Variants in MBNL2 observed in about 807,000 individuals in gnomAD.
MBNL2 encodes the protein muscleblind like splicing regulator 2.
Under a neutral mutation model 41.9 loss-of-function variants are expected in MBNL2, and 17 were observed. That is an observed-to-expected ratio of 0.41 (90% CI 0.28 to 0.61). MBNL2 has a LOEUF of 0.61. Among genes scored for constraint, MBNL2 ranks in the 20% least tolerant of loss-of-function variants. The pLI is 0.35. For missense variants in MBNL2, 336 were observed against 505.6 expected, an observed-to-expected ratio of 0.66 and a Z score of 3.22; for synonymous variants, 195 against 182.9, an observed-to-expected ratio of 1.07 and a Z score of -0.53.
chr13:97,347,091 C>T, intron 5 of MBNL2, 24 bp downstream of exon 5: 1 of 1,506,574 alleles, frequency 6.6e-7, no homozygotes, highest in Non-Finnish European at 8.9e-7. Context: ...CCCGCCGCCC[C>T]TGCACCCCGG....
At position 97,247,994 on chromosome 13, in the gene MBNL2, C is replaced by T. The variant is rs528399571; in HGVS notation, c.-605+25463C>T. Among the ~76,000 whole-genome samples the T allele has an allele frequency of 3.3e-5, 5 of 152,312 alleles. No homozygotes were observed. In the East Asian group the frequency reaches 9.6e-4, roughly 29 times the overall value. On this transcript the variant is annotated intron_variant, in intron 1 of 8. Coordinates refer to ENST00000679496, the MANE Select transcript of MBNL2 (RefSeq NM_001382683.1). ...GTTCTGGTTTAGTGTTTTAATGCTA[C>T]ATTAGAAATGATATTTCTTGGCAAA...
intron 2 of MBNL2, among the ~76,000 whole-genome samples, chr13:97,326,268 T>G (rs534818472): frequency 2.6e-5 from 4 of 152,216 alleles, no homozygotes; most frequent in Non-Finnish European, 4.4e-5. Flanking sequence ...GAGGTAGTAG[T>G]GACTGTCTAC....
the MBNL2 span, among the ~76,000 whole-genome samples, chr13:97,204,893 G>A: frequency 6.6e-6 from 1 of 152,116 alleles, no homozygotes; most frequent in Non-Finnish European, 1.5e-5. Context: ...GGCCGACATG[G>A]TGAAACCCCA....
chr13:97,321,284 A>G (rs1566415279), intron 2 of MBNL2, among the ~76,000 whole-genome samples: 1 of 152,036 alleles, frequency 6.6e-6, no homozygotes, highest in Non-Finnish European at 1.5e-5. Flanking sequence ...AGTCCCGGAA[A>G]CCCCCTGCTG....
chr13:97,160,304 C>T, the MBNL2 span, among the ~76,000 whole-genome samples: 2 of 152,146 alleles, frequency 1.3e-5, no homozygotes, highest in African/African-American at 4.8e-5. Context: ...CTGCTCTGTG[C>T]TTTCTGCAAA....
At chr13:97,214,818 C>A in the MBNL2 span, among the ~76,000 whole-genome samples, 1 of 152,162 alleles carries the variant, frequency 6.6e-6, no homozygotes, top group Non-Finnish European at 1.5e-5. Flanking sequence ...GCACAGTGAT[C>A]CCTCAGCCAG....
At chr13:97,376,959 ATAT>A (rs1221163921) in intron 8 of MBNL2, among the ~76,000 whole-genome samples, 1 of 152,160 alleles carries the variant, frequency 6.6e-6, no homozygotes, top group African/African-American at 2.4e-5. Flanking sequence ...GCCTAGAACA[ATAT>A]TATTTCCCTT....
At chr13:97,144,309 C>T in the MBNL2 span, among the ~76,000 whole-genome samples, 4 of 151,982 alleles carry the variant, frequency 2.6e-5, no homozygotes, top group African/African-American at 9.7e-5. Context: ...GCCAGATACC[C>T]GTAGGATCCT....
At chr13:97,217,858 T>C (rs1377786454), upstream of MBNL2, among the ~76,000 whole-genome samples, 1 of 151,458 alleles carries the variant, frequency 6.6e-6, no homozygotes, top group Non-Finnish European at 1.5e-5. Flanking sequence ...TAAAAGGTGG[T>C]GGGGGGTTTA....
the MBNL2 span, among the ~76,000 whole-genome samples, chr13:97,154,917 T>G: frequency 6.6e-6 from 1 of 152,056 alleles, no homozygotes; most frequent in African/African-American, 2.4e-5. Flanking sequence ...TATTGAGTAC[T>G]GCACAAATAG....
At chr13:97,208,274 G>A in the MBNL2 span, among the ~76,000 whole-genome samples, 3 of 152,180 alleles carry the variant, frequency 2.0e-5, no homozygotes, top group East Asian at 1.9e-4. Flanking sequence ...CCGAGATCAT[G>A]TTGTGGGACC....
chr13:97,318,519 A>T (rs1307332649), intron 2 of MBNL2, among the ~76,000 whole-genome samples: 1 of 152,246 alleles, frequency 6.6e-6, no homozygotes, highest in Non-Finnish European at 1.5e-5. Flanking sequence ...GAGTAAAAAT[A>T]ATAACAATGG....
At chr13:97,223,013 C>T (rs1211643570) in intron 1 of MBNL2, among the ~76,000 whole-genome samples, 1 of 152,118 alleles carries the variant, frequency 6.6e-6, no homozygotes, top group East Asian at 1.9e-4. Flanking sequence ...ACCTACCTAG[C>T]TCTACAATGC....
chr13:97,370,755 A>G (rs992131779), intron 8 of MBNL2, among the ~76,000 whole-genome samples: 13 of 152,204 alleles, frequency 8.5e-5, no homozygotes, highest in Non-Finnish European at 1.5e-5. Context: ...AAAATTATCA[A>G]TAATTTTTAT....
chr13:97,276,665 T>G (rs935818913), intron 2 of MBNL2, among the ~76,000 whole-genome samples: 10 of 152,182 alleles, frequency 6.6e-5, no homozygotes, highest in African/African-American at 2.4e-4. Context: ...CCAAGAGTTT[T>G]AAATCAAAGT....
At chr13:97,247,666 T>C (rs1180784791) in intron 1 of MBNL2, among the ~76,000 whole-genome samples, 1 of 152,246 alleles carries the variant, frequency 6.6e-6, no homozygotes, top group Non-Finnish European at 1.5e-5. Context: ...ATATTTTCTT[T>C]AGTGCGTTCA....
intron 2 of MBNL2, among the ~76,000 whole-genome samples, chr13:97,331,087 A>C (rs1185635054): frequency 3.3e-5 from 5 of 152,238 alleles, no homozygotes; most frequent in African/African-American, 1.2e-4. Flanking sequence ...GGAAGAATCA[A>C]AGAGCCAGTC....
chr13:97,328,993 A>T (rs1239806012), intron 2 of MBNL2, among the ~76,000 whole-genome samples: 2 of 152,192 alleles, frequency 1.3e-5, no homozygotes, highest in African/African-American at 2.4e-5. Context: ...AGTTGCATTT[A>T]TTCTATCCCA....
chr13:97,392,121 G>C lies in MBNL2; in HGVS notation c.*672G>C, dbSNP rs1325609516. Reference sequence around the variant, plus strand: ...GTATATTTTTAAAGTTGTTTTATAAGAGAGACTTTGTAGAAGTGCCTAGAT... The same window carrying C: ...GTATATTTTTAAAGTTGTTTTATAACAGAGACTTTGTAGAAGTGCCTAGAT... On this transcript the variant is annotated 3_prime_UTR_variant, in exon 9 of 9. Coordinates refer to ENST00000679496, the MANE Select transcript of MBNL2 (RefSeq NM_001382683.1). 6.6e-6 allele frequency: 1 copy of C among 152,622 alleles called. No homozygotes were observed. The highest frequency in any genetic ancestry group is 1.9e-4 in the East Asian group (1 of 5,198). The allele number at this position is 152,622 out of a possible 1,614,324, so 9.5% of individuals were successfully genotyped here. A position where few individuals can be genotyped will look rare whatever the true frequency, so the allele number is the denominator to read the frequency against.
Sources: allele counts gnomAD v4.1 joint callset (sites outside exome capture counted in the v4.1 genomes callset), GRCh38; gene constraint gnomAD v4.1.1; transcripts MANE v1.5; gene names NCBI Gene and HGNC (gene_info 2026-07-23, HGNC 2026-07-21).